CTBP2: variants seen among roughly 807,000 people sequenced by gnomAD.
The protein encoded by CTBP2 is C-terminal-binding protein 2.
Under a neutral mutation model 80.3 loss-of-function variants are expected in CTBP2, and 30 were observed. That is an observed-to-expected ratio of 0.37 (90% CI 0.28 to 0.51). The LOEUF is 0.51. Ranked by LOEUF, CTBP2 falls within the 20% of genes least tolerant of loss-of-function variation. CTBP2 has a pLI of 0.93. For missense variants in CTBP2, 1,212 were observed against 1,375.3 expected, an observed-to-expected ratio of 0.88 and a Z score of 1.88; for synonymous variants, 594 against 587.4, an observed-to-expected ratio of 1.01 and a Z score of -0.16.
chr10:125,060,531 C>A (rs1047533183), intron 2 of CTBP2, among the ~76,000 whole-genome samples: 4 of 151,292 alleles, frequency 2.6e-5, no homozygotes, highest in African/African-American at 9.7e-5. Context: ...GGCTTACCTG[C>A]AACACTGGTT....
intron 1 of CTBP2, among the ~76,000 whole-genome samples, chr10:125,143,084 A>G (rs1046906048): frequency 6.6e-6 from 1 of 152,174 alleles, no homozygotes; most frequent in Non-Finnish European, 1.5e-5. Flanking sequence ...GCTGAACTCC[A>G]GATAAACCCT....
At chr10:125,122,570 G>A (rs1030773482) in intron 1 of CTBP2, 5 of 152,226 alleles carry the variant, frequency 3.3e-5, no homozygotes, top group Non-Finnish European at 5.9e-5. Flanking sequence ...AAAGAAAACC[G>A]AGACTCAAAA....
intron 1 of CTBP2, among the ~76,000 whole-genome samples, chr10:125,117,227 G>A (rs1853487929): frequency 6.6e-6 from 1 of 152,338 alleles, no homozygotes; most frequent in South Asian, 2.1e-4. Flanking sequence ...GGCAGTGGGG[G>A]GTGGCACTGG....
upstream of CTBP2, among the ~76,000 whole-genome samples, chr10:125,031,515 T>TAAAAAAAAAA (rs1554876036): frequency 5.3e-5 from 3 of 56,152 alleles, no homozygotes; most frequent in African/African-American, 1.2e-4. Context: ...AAAAAAAAAG[T>TAAAAAAAAAA]CTTTCCTCTC....
chr10:125,102,899 G>A (rs1399683148), intron 2 of CTBP2, among the ~76,000 whole-genome samples: 1 of 152,230 alleles, frequency 6.6e-6, no homozygotes, highest in African/African-American at 2.4e-5. Flanking sequence ...CAGCTTGGAT[G>A]TAGTCAGGTT....
chr10:125,013,413 G>A (rs182513887), intron 1 of CTBP2, among the ~76,000 whole-genome samples: 13 of 152,184 alleles, frequency 8.5e-5, no homozygotes, highest in Admixed American at 2.6e-4. Context: ...AGTCTCGTGC[G>A]GGCACCGCTG....
At chr10:124,991,958 C>A (rs1589894950) in intron 8 of CTBP2, among the ~76,000 whole-genome samples, 2 of 151,682 alleles carry the variant, frequency 1.3e-5, no homozygotes, top group Middle Eastern at 6.9e-3. Flanking sequence ...AACCCCTTCT[C>A]CCTGTGAGGG....
chr10:125,003,319 C>T lies in CTBP2; in HGVS notation c.1833+19G>A. On this transcript the variant is annotated intron_variant, in intron 2 of 8. Transcript: ENST00000309035. ...TGCCCAAGGTCAGTGCAGGCCCCGG[C>T]CGGGCAGGGTGGGCCCACCTTCTCG... 6.2e-7 allele frequency: 1 copy of T among 1,605,010 alleles called. No individual in the cohort carries two copies. The highest frequency in any genetic ancestry group is 2.2e-5 in the East Asian group (1 of 44,848).
chr10:125,147,654 T>C (rs1381568861), intron 1 of CTBP2, among the ~76,000 whole-genome samples: 2 of 151,606 alleles, frequency 1.3e-5, no homozygotes, highest in Non-Finnish European at 2.9e-5. Context: ...CCTAACACTT[T>C]TGGGAGGCCA....
At chr10:125,060,989 G>T (rs1207647996) in intron 2 of CTBP2, among the ~76,000 whole-genome samples, 3 of 152,214 alleles carry the variant, frequency 2.0e-5, no homozygotes, top group Non-Finnish European at 4.4e-5. Context: ...GCACGCTAGG[G>T]CAGCCCATAG....
chr10:125,036,188 T>C (rs1314266581), intron 3 of CTBP2, among the ~76,000 whole-genome samples: 3 of 152,136 alleles, frequency 2.0e-5, no homozygotes, highest in Non-Finnish European at 4.4e-5. Context: ...TTTTCTTGCT[T>C]TGAAAAGTTT....
At chr10:125,016,904 T>C (rs1956551313) in intron 1 of CTBP2, among the ~76,000 whole-genome samples, 1 of 152,104 alleles carries the variant, frequency 6.6e-6, no homozygotes, top group Non-Finnish European at 1.5e-5. Context: ...AATAGGCAAA[T>C]CCCCAGTGGG....
chr10:125,019,596 C>T (rs1233141772), intron 1 of CTBP2, among the ~76,000 whole-genome samples: 1 of 152,156 alleles, frequency 6.6e-6, no homozygotes, highest in Non-Finnish European at 1.5e-5. Context: ...CTGCAAAGCA[C>T]AAAGCAAACA....
chr10:125,090,958 C>T (rs772015793), intron 2 of CTBP2, among the ~76,000 whole-genome samples: 3 of 152,044 alleles, frequency 2.0e-5, no homozygotes, highest in African/African-American at 2.4e-5. Flanking sequence ...AGGAAATTGG[C>T]GCAAAGAAAA....
intron 2 of CTBP2, among the ~76,000 whole-genome samples, chr10:125,099,406 G>C (rs531495295): frequency 3.3e-5 from 5 of 152,138 alleles, no homozygotes; most frequent in Non-Finnish European, 7.3e-5. Flanking sequence ...AGATTAAAAG[G>C]GCCCTTTTCA....
intron 1 of CTBP2, among the ~76,000 whole-genome samples, chr10:125,155,145 G>A (rs972526379): frequency 3.3e-5 from 5 of 152,200 alleles, no homozygotes; most frequent in Non-Finnish European, 5.9e-5. Context: ...AGCACACGAC[G>A]TTCCTTAGCA....
At chr10:125,105,351 T>C (rs1851293677) in intron 2 of CTBP2, among the ~76,000 whole-genome samples, 1 of 152,224 alleles carries the variant, frequency 6.6e-6, no homozygotes, top group African/African-American at 2.4e-5. Flanking sequence ...GGGGTCTTGC[T>C]ATGTTGCCCA....
rs1043404163 is a variant in CTBP2, at chr10:124,989,104, C to T, written c.*414G>A. Reference sequence around the variant, plus strand: ...AAAAGAGGTCACCAGCCCCTGTAGACTTAAGGGACTCAAGTCACAGGATGG... The same window carrying T: ...AAAAGAGGTCACCAGCCCCTGTAGATTTAAGGGACTCAAGTCACAGGATGG... On this transcript the variant is annotated 3_prime_UTR_variant, in exon 9 of 9. Transcript: ENST00000309035. 1 of 239,166 alleles carries T rather than the reference C, an allele frequency of 4.2e-6. No individual in the cohort carries two copies. Among genetic ancestry groups the T allele is most frequent in the African/African-American group, 2.4e-5 (1 of 42,222 alleles). 14.8% of individuals were successfully genotyped at this position (239,166 alleles called of 1,614,324 possible). A position where few individuals can be genotyped will look rare whatever the true frequency, so the allele number is the denominator to read the frequency against.
rs567596373 is a variant in CTBP2, at chr10:125,094,604, A to G, written c.-102+16386T>C. Among the ~76,000 whole-genome samples, 5 of 152,178 alleles carry G rather than the reference A, an allele frequency of 3.3e-5. No homozygotes were observed. In the South Asian group the frequency reaches 8.3e-4, roughly 25 times the overall value. On this transcript the variant is annotated intron_variant, in intron 2 of 10. Coordinates refer to the CTBP2 transcript ENST00000337195. ...TTCACCAGGGGCTCTCAAGCAGGGG[A>G]CACTGGGCCCTATCTGGCGACATCT...
Sources: allele counts gnomAD v4.1 joint callset (sites outside exome capture counted in the v4.1 genomes callset), GRCh38; gene constraint gnomAD v4.1.1; transcripts MANE v1.5; gene names NCBI Gene and HGNC (gene_info 2026-07-23, HGNC 2026-07-21).